The following PCDH9 variants were observed in gnomAD, a reference collection of about 807,000 sequenced individuals.
PCDH9 encodes the protein protocadherin-9.
Under a neutral mutation model 70.6 loss-of-function variants are expected in PCDH9, and 24 were observed. That is an observed-to-expected ratio of 0.34 (90% CI 0.25 to 0.48). PCDH9 has a LOEUF of 0.48. Ranked by LOEUF, PCDH9 falls within the 20% of genes least tolerant of loss-of-function variation. The pLI is 0.99. For synonymous variants in PCDH9, 562 were observed against 558.5 expected (o/e 1.01, Z -0.09); for missense variants, 1,281 against 1,503.6 (o/e 0.85, Z 2.45).
intron 4 of PCDH9, among the ~76,000 whole-genome samples, chr13:66,322,060 G>GT (rs1955765542): frequency 6.6e-6 from 1 of 151,256 alleles, no homozygotes; most frequent in South Asian, 2.1e-4. Flanking sequence ...GCATGGGGGG[G>GT]GTGTGATTAT....
chr13:67,012,579 A>G (rs879554746), intron 2 of PCDH9, among the ~76,000 whole-genome samples: 2 of 151,974 alleles, frequency 1.3e-5, no homozygotes, highest in Non-Finnish European at 2.9e-5. Context: ...AGTTAATACT[A>G]TTAATGGACT....
chr13:67,140,753 A>C (rs1358680087), intron 2 of PCDH9, among the ~76,000 whole-genome samples: 1 of 152,166 alleles, frequency 6.6e-6, no homozygotes, highest in Non-Finnish European at 1.5e-5. Flanking sequence ...TAGGATAAGA[A>C]ACAGTTTGTT....
intron 3 of PCDH9, 103 bp downstream of exon 3, chr13:66,903,401 G>A (rs759609702): frequency 2.2e-6 from 1 of 457,262 alleles, no homozygotes; most frequent in Middle Eastern, 4.0e-4. Flanking sequence ...CCACAGAAGA[G>A]ATGGGCAAAG....
rs1401606606 is a variant in PCDH9, at chr13:66,540,251, A to G, written c.3340+90959T>C. ...AGCAATAATATATTGAATTTTGGGGAAAAAAGGCAGTTTATACACATTTAC... is the reference window on the plus strand; with the variant it reads ...AGCAATAATATATTGAATTTTGGGGGAAAAAGGCAGTTTATACACATTTAC... On this transcript the variant is annotated intron_variant, in intron 4 of 4. Coordinates refer to ENST00000377865, the MANE Select transcript of PCDH9 (RefSeq NM_203487.3). Among the ~76,000 whole-genome samples, 3 of 152,126 alleles carry G rather than the reference A, an allele frequency of 2.0e-5. No individual in the cohort carries two copies. In the East Asian group the frequency reaches 5.8e-4, roughly 29 times the overall value.
intron 3 of PCDH9, among the ~76,000 whole-genome samples, chr13:66,670,669 C>A (rs996161471): frequency 9.2e-5 from 14 of 151,948 alleles, no homozygotes; most frequent in African/African-American, 3.4e-4. Flanking sequence ...AACAGAAAAG[C>A]ATATTCTACC....
intron 4 of PCDH9, among the ~76,000 whole-genome samples, chr13:66,368,856 G>A (rs183912010): frequency 3.3e-5 from 5 of 152,138 alleles, no homozygotes; most frequent in East Asian, 1.9e-4. Flanking sequence ...CTTGTGCAGG[G>A]AAACTCTCCC....
chr13:67,227,351 T>C lies in PCDH9; in HGVS notation c.1090A>G (p.Ile364Val), dbSNP rs542334913. 7.4e-6 allele frequency: 12 copies of C among 1,613,992 alleles called. No homozygotes were observed. The South Asian group carries it at 1.3e-4, about 18-fold the overall frequency. Reference protein sequence around the residue: ...NPPNIDLRYIISPINGTVYLS... With the variant: ...NPPNIDLRYIVSPINGTVYLS... The stretch of plus-strand genomic sequence containing the variant: ...TACACGGTGCCATTGATGGGACTTA[T>C]AATGTACCTGAGGTCTATATTAGGA... The change falls in exon 2 of 5, where the codon ATA (isoleucine) becomes GTA (valine). Residue 364 changes from isoleucine to valine, a missense_variant. Ile to Val is a conservative substitution (Grantham distance 29, BLOSUM62 3). This residue lies in a region of PCDH9 where 798 missense variants were observed against 1,003.1 expected (regional missense o/e 0.80). Coordinates refer to ENST00000377865, the MANE Select transcript of PCDH9 (RefSeq NM_203487.3). The surrounding 1 kb of genome is among the most constrained non-coding windows in gnomAD (Gnocchi z 4.6).
In PCDH9 at chr13:66,629,261, A is replaced by ACTCTTTC. The variant is rs140522515; in HGVS notation, c.3340+1942_3340+1948dup. ...TTTGTGCAACTGTTTTTTAAATGGG[A>ACTCTTTC]CTCTTTCTTTTTTGGTTTTGTCTGA... On this transcript the variant is annotated intron_variant, in intron 4 of 4. Transcript: ENST00000377865. Among the ~76,000 whole-genome samples the ACTCTTTC allele has an allele frequency of 4.2e-3, 632 of 151,938 alleles. 18 individuals are homozygous for ACTCTTTC. The East Asian group carries it at 0.08, about 19-fold the overall frequency.
chr13:66,837,759 T>C (rs182035418), intron 3 of PCDH9, among the ~76,000 whole-genome samples: 2 of 152,238 alleles, frequency 1.3e-5, no homozygotes, highest in East Asian at 3.9e-4. Flanking sequence ...ACCTTTCCAG[T>C]CATCTTTGTG....
At chr13:66,468,034 C>G (rs970836534) in intron 4 of PCDH9, among the ~76,000 whole-genome samples, 1 of 151,992 alleles carries the variant, frequency 6.6e-6, no homozygotes, top group Non-Finnish European at 1.5e-5. Context: ...GCTGCCCTAT[C>G]ATCTCCTGAT....
At chr13:66,351,777 G>A (rs569887757) in intron 4 of PCDH9, among the ~76,000 whole-genome samples, 105 of 151,034 alleles carry the variant, frequency 7.0e-4, no homozygotes, top group Non-Finnish European at 9.0e-4. Flanking sequence ...CAAATCATCC[G>A]TATAACAATA....
chr13:66,430,504 A>C (rs1315465628), intron 4 of PCDH9, among the ~76,000 whole-genome samples: 1 of 152,026 alleles, frequency 6.6e-6, no homozygotes, highest in African/African-American at 2.4e-5. Context: ...CTTCCAGTGA[A>C]GCAATAACAT....
intron 3 of PCDH9, among the ~76,000 whole-genome samples, chr13:66,875,351 T>C (rs965319038): frequency 2.6e-5 from 4 of 152,220 alleles, no homozygotes; most frequent in African/African-American, 9.6e-5. Context: ...ATGTATCTTC[T>C]AACAAATTAT....
At chr13:66,559,189 T>C (rs964432496) in intron 4 of PCDH9, among the ~76,000 whole-genome samples, 14 of 152,338 alleles carry the variant, frequency 9.2e-5, no homozygotes, top group African/African-American at 3.1e-4. Context: ...GACTAACTTA[T>C]ATCCCATCAA....
intron 3 of PCDH9, among the ~76,000 whole-genome samples, chr13:66,770,829 C>T (rs1460208210): frequency 1.3e-5 from 2 of 152,186 alleles, no homozygotes; most frequent in African/African-American, 2.4e-5. Context: ...CTATTCTGAA[C>T]ACTGAAGCGA....
chr13:67,213,811 T>C (rs893297891), intron 2 of PCDH9: 48 of 152,272 alleles, frequency 3.2e-4, no homozygotes, highest in African/African-American at 1.1e-3. Flanking sequence ...AAAAGACCAA[T>C]CCAAAACAAT....
At position 66,555,057 on chromosome 13, in the gene PCDH9, T is replaced by C. The variant is rs182788038; in HGVS notation, c.3340+76153A>G. Among the ~76,000 whole-genome samples the C allele has an allele frequency of 3.5e-3, 535 of 152,176 alleles. 1 individual carries two copies. Among genetic ancestry groups the C allele is most frequent in the Non-Finnish European group, 4.4e-3 (301 of 68,014 alleles). On this transcript the variant is annotated intron_variant, in intron 4 of 4. Coordinates refer to ENST00000377865, the MANE Select transcript of PCDH9 (RefSeq NM_203487.3). ...GGTGGCACATGCCTGTAATCCCAGC[T>C]ACTTGGGAGGCTGAGGCAGGAGAAT...
intron 2 of PCDH9, among the ~76,000 whole-genome samples, chr13:67,129,771 A>T (rs1393136390): frequency 6.6e-6 from 1 of 152,046 alleles, no homozygotes; most frequent in South Asian, 2.1e-4. Flanking sequence ...ACTACTACAA[A>T]ATAAGTGAAT....
At chr13:66,449,977 G>A (rs1326948676) in intron 4 of PCDH9, among the ~76,000 whole-genome samples, 1 of 151,952 alleles carries the variant, frequency 6.6e-6, no homozygotes, top group African/African-American at 2.4e-5. Context: ...TTACACAATA[G>A]GCAGGACAAT....
Sources: allele counts gnomAD v4.1 joint callset (sites outside exome capture counted in the v4.1 genomes callset), GRCh38; gene constraint gnomAD v4.1.1; regional missense constraint gnomAD v4.1.1; non-coding constraint Gnocchi (gnomAD v3.1); transcripts MANE v1.5; gene names NCBI Gene and HGNC (gene_info 2026-07-23, HGNC 2026-07-21).